The following CYYR1 variants were observed in gnomAD, a reference collection of about 807,000 sequenced individuals.
CYYR1 encodes the protein cysteine and tyrosine-rich protein 1.
In CYYR1, 14 loss-of-function variants were observed where a neutral mutation model predicts 15.2. That is an observed-to-expected ratio of 0.92 (90% CI 0.61 to 1.44). The LOEUF (loss-of-function observed/expected upper bound fraction) is 1.44, where lower values mean the gene tolerates loss of function less well. CYYR1 is among the 40% of genes most tolerant of loss of function. The pLI is 0.00. For synonymous variants in CYYR1, 80 were observed against 77.4 expected (o/e 1.03, Z -0.18); for missense variants, 228 against 209.5 (o/e 1.09, Z -0.54).
chr21:26,561,743 T>C (rs984562982), intron 2 of CYYR1, among the ~76,000 whole-genome samples: 2 of 152,224 alleles, frequency 1.3e-5, no homozygotes, highest in African/African-American at 4.8e-5. Flanking sequence ...GTTAGGAAAT[T>C]AAATGCGATA....
intron 2 of CYYR1, among the ~76,000 whole-genome samples, chr21:26,516,339 CTT>C (rs2065726931): frequency 6.6e-6 from 1 of 152,176 alleles, no homozygotes; most frequent in African/African-American, 2.4e-5. Flanking sequence ...TTAAAAAAGA[CTT>C]GTCATTTGAT....
chr21:26,572,348 AT>A (rs2123755866), intron 1 of CYYR1, among the ~76,000 whole-genome samples: 1 of 152,348 alleles, frequency 6.6e-6, no homozygotes, highest in East Asian at 1.9e-4. Context: ...GTCTATCTAA[AT>A]CAACGAACCT....
chr21:26,534,509 G>T (rs370437410), intron 2 of CYYR1, among the ~76,000 whole-genome samples: 25 of 152,156 alleles, frequency 1.6e-4, no homozygotes, highest in African/African-American at 5.8e-4. Context: ...GTTTGGATTT[G>T]CCCAATGAAA....
At chr21:26,512,383 A>G in intron 2 of CYYR1, among the ~76,000 whole-genome samples, 1 of 151,768 alleles carries the variant, frequency 6.6e-6, no homozygotes, top group Non-Finnish European at 1.5e-5. Context: ...TTGTATTTTT[A>G]GTAGAAACGG....
intron 2 of CYYR1, among the ~76,000 whole-genome samples, chr21:26,526,617 G>T (rs222933): frequency 0.36 from 54,819 of 151,928 alleles, 11,065 homozygotes; most frequent in African/African-American, 0.55. Context: ...AATAATTAAC[G>T]GTTTCAAAAG....
chr21:26,521,361 A>G (rs1359869074), intron 2 of CYYR1, among the ~76,000 whole-genome samples: 1 of 152,220 alleles, frequency 6.6e-6, no homozygotes, highest in Non-Finnish European at 1.5e-5. Context: ...TTACATGTAT[A>G]CGAAAGACAT....
intron 2 of CYYR1, chr21:26,564,801 G>T (rs916183734): frequency 2.4e-6 from 3 of 1,247,828 alleles, no homozygotes; most frequent in Non-Finnish European, 3.1e-6. Flanking sequence ...AGTTATACTC[G>T]CACCTCTACC....
intron 2 of CYYR1, among the ~76,000 whole-genome samples, chr21:26,555,521 T>G (rs1979710158): frequency 6.6e-6 from 1 of 152,194 alleles, no homozygotes; most frequent in Admixed American, 6.5e-5. Context: ...TCTCTATTTT[T>G]GCCAGATTTG....
intron 2 of CYYR1, among the ~76,000 whole-genome samples, chr21:26,485,123 A>C (rs1455026555): frequency 2.0e-5 from 3 of 152,090 alleles, no homozygotes; most frequent in African/African-American, 7.2e-5. Context: ...ACCTTGAAAA[A>C]ATTTCAGGGA....
chr21:26,541,447 G>GT (rs1445096463), intron 2 of CYYR1, among the ~76,000 whole-genome samples: 1 of 152,172 alleles, frequency 6.6e-6, no homozygotes, highest in African/African-American at 2.4e-5. Context: ...CTGGAATATG[G>GT]TGTAATGACA....
Position 26,468,459 on chromosome 21 carries a change from G to T in CYYR1, c.*42C>A. 2 of 1,265,528 alleles carry T rather than the reference G, an allele frequency of 1.6e-6. No individual in the cohort carries two copies. The highest frequency in any genetic ancestry group is 2.3e-6 in the Non-Finnish European group (2 of 861,488). The allele number at this position is 1,265,528 out of a possible 1,614,324, so 78.4% of individuals were successfully genotyped here. On this transcript the variant is annotated 3_prime_UTR_variant, in exon 4 of 4. Transcript: ENST00000652641. Reference sequence around the variant, plus strand: ...TCTGAGTAGAGGCATTTTATTCCAGGCAAGATCGCCCATTGGCACATGTTC... The same window carrying T: ...TCTGAGTAGAGGCATTTTATTCCAGTCAAGATCGCCCATTGGCACATGTTC...
At chr21:26,552,407 A>G (rs1358056752) in intron 2 of CYYR1, among the ~76,000 whole-genome samples, 17 of 152,132 alleles carry the variant, frequency 1.1e-4, no homozygotes. Flanking sequence ...TGAATAACAT[A>G]TATTTGAGTA....
intron 2 of CYYR1, among the ~76,000 whole-genome samples, chr21:26,525,906 A>G (rs1184227352): frequency 6.6e-6 from 1 of 152,216 alleles, no homozygotes; most frequent in Non-Finnish European, 1.5e-5. Context: ...TCCTTAGCAA[A>G]GTAGCAAGGA....
At chr21:26,490,096 A>G (rs947057716) in intron 2 of CYYR1, among the ~76,000 whole-genome samples, 54 of 152,008 alleles carry the variant, frequency 3.6e-4, no homozygotes, top group African/African-American at 1.2e-3. Flanking sequence ...TTGAGCCAGG[A>G]GTTCAACACA....
At position 26,571,176 on chromosome 21, in the gene CYYR1, C is replaced by A. The variant is rs373913947; in HGVS notation, c.73+1692G>T. ...CATGACCTCTTACGGCTCAACATAC[C>A]TCACTCAGTAAGTAATAGTTGAATG... On this transcript the variant is annotated intron_variant, in intron 1 of 3. Coordinates refer to ENST00000652641, the MANE Select transcript of CYYR1 (RefSeq NM_001320768.2). 2.6e-5 allele frequency among the ~76,000 whole-genome samples: 4 copies of A among 152,288 alleles called. 1 individual carries two copies. Among genetic ancestry groups the A allele is most frequent in the African/African-American group, 9.6e-5 (4 of 41,558 alleles).
intron 1 of CYYR1, among the ~76,000 whole-genome samples, chr21:26,571,411 C>T (rs370788405): frequency 2.0e-4 from 30 of 152,348 alleles, no homozygotes; most frequent in African/African-American, 5.5e-4. Context: ...TGGCCAGCTT[C>T]GCTGATTTCC....
intron 2 of CYYR1, among the ~76,000 whole-genome samples, chr21:26,530,513 G>T (rs1326534559): frequency 6.6e-6 from 1 of 151,898 alleles, no homozygotes. Flanking sequence ...TGCAGAACGT[G>T]CAGGTTTGTT....
At chr21:26,555,556 T>C (rs1289887027) in intron 2 of CYYR1, among the ~76,000 whole-genome samples, 1 of 152,192 alleles carries the variant, frequency 6.6e-6, no homozygotes, top group Non-Finnish European at 1.5e-5. Context: ...TTGTTTTTTA[T>C]TACTGTAGGG....
intron 2 of CYYR1, among the ~76,000 whole-genome samples, chr21:26,526,155 G>C (rs2065862521): frequency 6.6e-6 from 1 of 152,100 alleles, no homozygotes; most frequent in Non-Finnish European, 1.5e-5. Context: ...GTACCCCTGA[G>C]CTTAAAAGTT....
Sources: allele counts gnomAD v4.1 joint callset (sites outside exome capture counted in the v4.1 genomes callset), GRCh38; gene constraint gnomAD v4.1.1; transcripts MANE v1.5; gene names NCBI Gene and HGNC (gene_info 2026-07-23, HGNC 2026-07-21).